Variants in FGGY observed in about 807,000 individuals in gnomAD.
FGGY encodes FGGY carbohydrate kinase domain containing, also known as FGGY carbohydrate kinase domain-containing protein.
In FGGY, 72 loss-of-function variants were observed where a neutral mutation model predicts 71.3. The ratio of observed to expected loss-of-function variants is 1.01; its 90% CI spans 0.84 to 1.23. The LOEUF is 1.23. Ranked by LOEUF, FGGY falls within the 50% of genes most tolerant of loss-of-function variation. FGGY has a pLI of 0.00. For synonymous variants in FGGY, 251 were observed against 250.3 expected (o/e 1.00, Z -0.02); for missense variants, 668 against 682.3 (o/e 0.98, Z 0.23).
chr1:59,551,649 G>A (rs143908800), intron 7 of FGGY, among the ~76,000 whole-genome samples: 2 of 152,168 alleles, frequency 1.3e-5, no homozygotes, highest in African/African-American at 4.8e-5. Flanking sequence ...GGAAGAACCA[G>A]CACTTTGGAA....
chr1:59,708,259 AT>A (rs111769786), intron 14 of FGGY, among the ~76,000 whole-genome samples: 87 of 149,398 alleles, frequency 5.8e-4, no homozygotes, highest in African/African-American at 1.2e-3. Context: ...CTCCCATTTC[AT>A]TTTTTTTTTC....
chr1:59,582,419 G>A (rs1277544177), intron 8 of FGGY, among the ~76,000 whole-genome samples: 2 of 149,918 alleles, frequency 1.3e-5, no homozygotes, highest in Non-Finnish European at 2.9e-5. Flanking sequence ...TAGCAAGTCT[G>A]ATTATCCCCT....
intron 10 of FGGY, among the ~76,000 whole-genome samples, chr1:59,629,235 T>C (rs957909373): frequency 6.6e-6 from 1 of 152,048 alleles, no homozygotes; most frequent in Non-Finnish European, 1.5e-5. Context: ...AATAAATAAA[T>C]AAATAAATGA....
chr1:59,424,655 T>G (rs1406107195), intron 5 of FGGY, among the ~76,000 whole-genome samples: 1 of 152,228 alleles, frequency 6.6e-6, no homozygotes, highest in Non-Finnish European at 1.5e-5. Context: ...TGTGTCGATT[T>G]TTGATCTCCA....
At chr1:59,407,581 A>G (rs868092779) in intron 5 of FGGY, among the ~76,000 whole-genome samples, 2 of 152,184 alleles carry the variant, frequency 1.3e-5, no homozygotes, top group Admixed American at 6.5e-5. Flanking sequence ...TCTGATAGTT[A>G]TCCTGACCAG....
chr1:59,507,578 G>A (rs535849334), intron 6 of FGGY, among the ~76,000 whole-genome samples: 5 of 151,364 alleles, frequency 3.3e-5, no homozygotes, highest in Non-Finnish European at 5.9e-5. Flanking sequence ...GTGCAGTGGC[G>A]CAATCTCGGC....
chr1:59,727,300 C>T (rs948276149), intron 14 of FGGY, among the ~76,000 whole-genome samples: 2 of 152,086 alleles, frequency 1.3e-5, no homozygotes, highest in African/African-American at 2.4e-5. Context: ...CATTGATGAA[C>T]ACCTAGGTTG....
intron 14 of FGGY, among the ~76,000 whole-genome samples, chr1:59,693,009 G>C (rs1251892129): frequency 6.6e-6 from 1 of 152,164 alleles, no homozygotes; most frequent in Non-Finnish European, 1.5e-5. Context: ...GTAGAAGATA[G>C]TTATCATTAA....
intron 14 of FGGY, among the ~76,000 whole-genome samples, chr1:59,717,057 C>T (rs183390186): frequency 1.6e-4 from 24 of 152,238 alleles, no homozygotes; most frequent in African/African-American, 5.5e-4. Flanking sequence ...CACATATGCT[C>T]GCCCTTAACC....
intron 8 of FGGY, among the ~76,000 whole-genome samples, chr1:59,565,883 A>G (rs1426220232): frequency 6.6e-6 from 1 of 152,078 alleles, no homozygotes; most frequent in Non-Finnish European, 1.5e-5. Context: ...AATAAACAAC[A>G]TCACTTGTCA....
chr1:59,477,405 C>G (rs1187570100), intron 6 of FGGY, among the ~76,000 whole-genome samples: 1 of 152,146 alleles, frequency 6.6e-6, no homozygotes, highest in Non-Finnish European at 1.5e-5. Context: ...GGTGGCAGGT[C>G]ACCAGTTGAC....
chr1:59,522,145 G>T (rs866430081), intron 7 of FGGY, among the ~76,000 whole-genome samples: 2 of 152,142 alleles, frequency 1.3e-5, no homozygotes, highest in South Asian at 2.1e-4. Context: ...ATTATTTTTG[G>T]ACTTTAACAT....
intron 2 of FGGY, among the ~76,000 whole-genome samples, chr1:59,335,442 CAGTT>C (rs766625617): frequency 6.6e-6 from 1 of 152,150 alleles, no homozygotes; most frequent in Non-Finnish European, 1.5e-5. Context: ...CTTTATTTAA[CAGTT>C]GGTTAAACTA....
At chr1:59,537,279 C>A (rs1327132782) in intron 7 of FGGY, among the ~76,000 whole-genome samples, 4 of 152,080 alleles carry the variant, frequency 2.6e-5, no homozygotes, top group Non-Finnish European at 4.4e-5. Flanking sequence ...AGCTAGGAAT[C>A]CAACTTACAA....
chr1:59,547,750 C>A (rs1438479753), intron 7 of FGGY, among the ~76,000 whole-genome samples: 6 of 152,170 alleles, frequency 3.9e-5, no homozygotes, highest in African/African-American at 1.4e-4. Flanking sequence ...TACATTATTA[C>A]CCATGAGTTG....
chr1:59,448,611 C>T (rs1356914539), intron 5 of FGGY, among the ~76,000 whole-genome samples: 1 of 152,158 alleles, frequency 6.6e-6, no homozygotes, highest in Non-Finnish European at 1.5e-5. Flanking sequence ...AAGCTTCCTT[C>T]TATAACTGAG....
At chr1:59,682,481 A>G (rs563002084) in intron 14 of FGGY, among the ~76,000 whole-genome samples, 1 of 152,340 alleles carries the variant, frequency 6.6e-6, no homozygotes, top group South Asian at 2.1e-4. Context: ...GAGAAATCAC[A>G]GGGAGAATGT....
intron 9 of FGGY, among the ~76,000 whole-genome samples, chr1:59,622,382 G>A (rs76670799): frequency 0.069 from 10,437 of 152,010 alleles, 938 homozygotes; most frequent in African/African-American, 0.21. Context: ...TCATATTTTG[G>A]ACATTGTGAT....
intron 5 of FGGY, among the ~76,000 whole-genome samples, chr1:59,410,965 T>C (rs1571809594): frequency 6.6e-6 from 1 of 151,982 alleles, no homozygotes; most frequent in East Asian, 1.9e-4. Flanking sequence ...CTTCTTTCTT[T>C]CTCTCCTACC....
Sources: allele counts gnomAD v4.1 joint callset (sites outside exome capture counted in the v4.1 genomes callset), GRCh38; gene constraint gnomAD v4.1.1; transcripts MANE v1.5; gene names NCBI Gene and HGNC (gene_info 2026-07-23, HGNC 2026-07-21).